Variants in SYT7 observed in about 807,000 individuals in gnomAD.
SYT7 encodes the protein synaptotagmin 7.
SYT7 carries 29 observed loss-of-function variants against 75.1 expected under a neutral mutation model. That is an observed-to-expected ratio of 0.39 (90% confidence interval 0.29 to 0.53). SYT7 has a LOEUF of 0.53. Among genes scored for constraint, SYT7 ranks in the 20% least tolerant of loss-of-function variants. The probability of loss-of-function intolerance (pLI) is 0.77; values close to 1 mark genes in which losing one functional copy is unlikely to be tolerated. For synonymous variants in SYT7, 376 were observed against 401.7 expected (o/e 0.94, Z 0.76); for missense variants, 693 against 953.2 (o/e 0.73, Z 3.59).
At chr11:61,538,788 C>T (rs1030293272) in intron 6 of SYT7, among the ~76,000 whole-genome samples, 37 of 152,274 alleles carry the variant, frequency 2.4e-4, no homozygotes, top group African/African-American at 8.9e-4. Flanking sequence ...CTATCCTGCA[C>T]CGGCACCGCG....
the SYT7 span, among the ~76,000 whole-genome samples, chr11:61,587,935 G>A: frequency 6.6e-6 from 1 of 152,246 alleles, no homozygotes; most frequent in Admixed American, 6.5e-5. Flanking sequence ...GGGGGGCGGG[G>A]GACATGACTC....
In SYT7 at chr11:61,576,940, C is replaced by T. The variant is rs1322119203; in HGVS notation, c.31+3850G>A. Among the ~76,000 whole-genome samples, 2 of 152,114 alleles carry T rather than the reference C, an allele frequency of 1.3e-5. No homozygotes were observed. Among genetic ancestry groups the T allele is most frequent in the Admixed American group, 6.5e-5 (1 of 15,278 alleles). On this transcript the variant is annotated intron_variant, in intron 1 of 12. Coordinates refer to ENST00000539008, the MANE Select transcript of SYT7 (RefSeq NM_001365809.2). This position sits in a 1 kb window ranked among gnomAD's most constrained non-coding sequence, Gnocchi z 4.1. ...GGCCTGTCTTTGCTCACCCAGCACCCACCTATTGACCTGCCTTCCAGCTGT... is the reference window on the plus strand; with the variant it reads ...GGCCTGTCTTTGCTCACCCAGCACCTACCTATTGACCTGCCTTCCAGCTGT...
chr11:61,552,906 T>C (rs943065497), intron 2 of SYT7, among the ~76,000 whole-genome samples: 1 of 152,226 alleles, frequency 6.6e-6, no homozygotes, highest in African/African-American at 2.4e-5. Context: ...TATATGAGTA[T>C]TTCTGTTCAC....
intron 6 of SYT7, chr11:61,540,883 G>A (rs912474546): frequency 2.8e-5 from 28 of 985,390 alleles, no homozygotes; most frequent in Admixed American, 6.1e-5. Flanking sequence ...CTGGAAGACC[G>A]GAGGCTCTTC....
Position 61,551,522 on chromosome 11 carries a change from C to G in SYT7, c.136-59G>C, listed in dbSNP as rs1186461945. On this transcript the variant is annotated intron_variant, in intron 2 of 12. Transcript: ENST00000539008. This position sits in a 1 kb window ranked among gnomAD's most constrained non-coding sequence, Gnocchi z 5.3. ...ACAGGACTGTACCCTCCCTACCTCC[C>G]CAGAACAGGGACCCGGAGGGGAAGG... 2 of 1,545,852 alleles carry G rather than the reference C, an allele frequency of 1.3e-6. No individual in the cohort carries two copies. The highest frequency in any genetic ancestry group is 2.3e-5 in the East Asian group (1 of 44,434).
chr11:61,571,298 T>C (rs906799158), intron 1 of SYT7, among the ~76,000 whole-genome samples: 1 of 152,208 alleles, frequency 6.6e-6, no homozygotes, highest in African/African-American at 2.4e-5. Flanking sequence ...TGTTAGCTCA[T>C]GCTCCCACAC....
At chr11:61,519,236 T>C (rs2062234274) in intron 12 of SYT7, among the ~76,000 whole-genome samples, 1 of 152,236 alleles carries the variant, frequency 6.6e-6, no homozygotes, top group South Asian at 2.1e-4. Context: ...TTAAGAGACT[T>C]ACCCACAGTC....
At chr11:61,579,212 C>T (rs2064168379) in intron 1 of SYT7, among the ~76,000 whole-genome samples, 1 of 152,238 alleles carries the variant, frequency 6.6e-6, no homozygotes, top group African/African-American at 2.4e-5. Flanking sequence ...CCTCATACCC[C>T]AGAGCTGGCT....
chr11:61,575,701 G>T (rs1339324562), intron 1 of SYT7, among the ~76,000 whole-genome samples: 1 of 152,160 alleles, frequency 6.6e-6, no homozygotes, highest in Non-Finnish European at 1.5e-5. Flanking sequence ...GGCCGGGGGA[G>T]GGGCCCTCCC....
intron 6 of SYT7, chr11:61,541,341 G>A (rs2063036288): frequency 1.0e-6 from 1 of 981,746 alleles, no homozygotes. Flanking sequence ...GGGTGATGTT[G>A]GGGATGGCAG....
intron 7 of SYT7, among the ~76,000 whole-genome samples, chr11:61,537,863 G>A (rs1371613766): frequency 6.6e-6 from 1 of 152,088 alleles, no homozygotes; most frequent in Non-Finnish European, 1.5e-5. Context: ...GGAAGATGGG[G>A]CAGAAAAGGC....
chr11:61,524,031 C>T lies in SYT7; in HGVS notation c.1642-90G>A. 1 of 1,186,678 alleles carries T rather than the reference C, an allele frequency of 8.4e-7. No individual in the cohort carries two copies. 73.5% of individuals were successfully genotyped at this position (1,186,678 alleles called of 1,614,324 possible). ...GCCCCCAGGTCCCCTCTACCCTGACCTTGGTGCTTACCCATGCCCCTGTCT... is the reference window on the plus strand; with the variant it reads ...GCCCCCAGGTCCCCTCTACCCTGACTTTGGTGCTTACCCATGCCCCTGTCT... On this transcript the variant is annotated intron_variant, in intron 10 of 12. Transcript: ENST00000539008. This position sits in a 1 kb window ranked among gnomAD's most constrained non-coding sequence, Gnocchi z 4.1.
At chr11:61,522,952 G>A in intron 12 of SYT7, 123 bp downstream of exon 12, 5 of 957,594 alleles carry the variant, frequency 5.2e-6, no homozygotes, top group South Asian at 2.9e-5. Context: ...GAGAGGAGAG[G>A]AGACTGATCC....
intron 8 of SYT7, chr11:61,530,768 C>T: frequency 2.0e-6 from 2 of 982,970 alleles, no homozygotes; most frequent in Non-Finnish European, 2.4e-6. Flanking sequence ...GTAGGTTTCA[C>T]CTGGGAAAGG....
chr11:61,577,968 C>T (rs2064131029), intron 1 of SYT7, among the ~76,000 whole-genome samples: 1 of 152,090 alleles, frequency 6.6e-6, no homozygotes. Flanking sequence ...ACAAGCAGTC[C>T]GAGAGAAACA....
At chr11:61,568,737 C>T (rs2063841690) in intron 1 of SYT7, among the ~76,000 whole-genome samples, 1 of 152,252 alleles carries the variant, frequency 6.6e-6, no homozygotes, top group African/African-American at 2.4e-5. Context: ...ATCCTCACCT[C>T]TTGGCTGAGA....
upstream of SYT7, among the ~76,000 whole-genome samples, chr11:61,582,563 T>A (rs1163655576): frequency 6.6e-6 from 1 of 152,030 alleles, no homozygotes; most frequent in Non-Finnish European, 1.5e-5. Flanking sequence ...CTTTTCCGGT[T>A]GAGAAAAAGA....
At chr11:61,530,641 G>A (rs551971850) in intron 8 of SYT7, among the ~76,000 whole-genome samples, 33 of 152,284 alleles carry the variant, frequency 2.2e-4, no homozygotes, top group African/African-American at 7.7e-4. Flanking sequence ...TTCTGAAGTT[G>A]GGGTGGAGTT....
chr11:61,551,417 G>A lies in SYT7; in HGVS notation c.182C>T (p.Ser61Leu), dbSNP rs2063346395. ...NSLETVGTPD[S>L]GRGRSEKKAI... ...CTTCTTCTCACTGCGCCCACGCCCT[G>A]AGTCTGGCGTGCCCACCGTCTCCAA... Residue 61 changes from serine to leucine, a missense_variant, in exon 3 of 13, where the codon TCA (serine) becomes TTA (leucine). Ser to Leu is a moderately radical substitution (Grantham distance 145). Around this residue, in one of 2 missense-constraint regions of SYT7, gnomAD observed 487 missense variants for 593.2 expected, o/e 0.82. Transcript: ENST00000539008. This position sits in a 1 kb window ranked among gnomAD's most constrained non-coding sequence, Gnocchi z 5.3. 1.9e-6 allele frequency: 3 copies of A among 1,613,910 alleles called. No homozygotes were observed. Among genetic ancestry groups the A allele is most frequent in the Non-Finnish European group, 2.5e-6 (3 of 1,179,956 alleles).
Sources: allele counts gnomAD v4.1 joint callset (sites outside exome capture counted in the v4.1 genomes callset), GRCh38; gene constraint gnomAD v4.1.1; regional missense constraint gnomAD v4.1.1; non-coding constraint Gnocchi (gnomAD v3.1); transcripts MANE v1.5; gene names NCBI Gene and HGNC (gene_info 2026-07-23, HGNC 2026-07-21).